Variants in SLC24A4 observed in about 807,000 individuals in gnomAD.
SLC24A4 encodes the protein solute carrier family 24 member 4.
In SLC24A4, 53 loss-of-function variants were observed where a neutral mutation model predicts 79.0. The observed-to-expected ratio is 0.67, with a 90% CI of 0.54 to 0.84. The LOEUF (loss-of-function observed/expected upper bound fraction) is 0.84. Ranked by LOEUF, SLC24A4 falls within the 40% of genes least tolerant of loss-of-function variation. SLC24A4 has a pLI of 0.00. For synonymous variants in SLC24A4, 323 were observed against 323.8 expected (o/e 1.00, Z 0.03); for missense variants, 731 against 822.0 (o/e 0.89, Z 1.35).
chr14:92,473,547 G>A (rs1040791407), intron 12 of SLC24A4, among the ~76,000 whole-genome samples: 5 of 152,200 alleles, frequency 3.3e-5, no homozygotes, highest in Non-Finnish European at 7.3e-5. Flanking sequence ...GTGGTTACAA[G>A]TATCAAAACT....
At chr14:92,413,920 A>G (rs1890852503) in intron 2 of SLC24A4, among the ~76,000 whole-genome samples, 1 of 152,204 alleles carries the variant, frequency 6.6e-6, no homozygotes, top group African/African-American at 2.4e-5. Flanking sequence ...AGGTAGGGAC[A>G]GAGGAGAAGG....
intron 2 of SLC24A4, among the ~76,000 whole-genome samples, chr14:92,377,403 T>C (rs186608909): frequency 8.5e-5 from 13 of 152,346 alleles, no homozygotes; most frequent in Non-Finnish European, 1.2e-4. Context: ...TGAAATATAC[T>C]ATGCCAAAGA....
intron 2 of SLC24A4, among the ~76,000 whole-genome samples, chr14:92,373,690 G>A (rs1303968089): frequency 6.6e-6 from 1 of 152,182 alleles, no homozygotes; most frequent in Admixed American, 6.5e-5. Context: ...GGGTTTCGAC[G>A]ACCGCACATC....
At position 92,398,420 on chromosome 14, in the gene SLC24A4, C is replaced by T. The variant is rs977218204; in HGVS notation, c.242-35492C>T. Among the ~76,000 whole-genome samples the T allele has an allele frequency of 6.6e-6, 1 of 152,058 alleles. No homozygotes were observed. Among genetic ancestry groups the T allele is most frequent in the African/African-American group, 2.4e-5 (1 of 41,400 alleles). ...TGTTGGAGAAGTGGGCATGGGAGAA[C>T]CGTTTGAGAGGAAGAATGGGTAAGA... On this transcript the variant is annotated intron_variant, in intron 2 of 16. Coordinates refer to ENST00000532405, the MANE Select transcript of SLC24A4 (RefSeq NM_153646.4). This position sits in a 1 kb window ranked among gnomAD's most constrained non-coding sequence, Gnocchi z 4.1.
At chr14:92,471,144 C>A (rs1045122863) in intron 12 of SLC24A4, among the ~76,000 whole-genome samples, 2 of 152,162 alleles carry the variant, frequency 1.3e-5, no homozygotes, top group African/African-American at 4.8e-5. Flanking sequence ...AACAAGAAGT[C>A]CTGAAAGTAG....
At chr14:92,479,562 G>A (rs938167282) in intron 12 of SLC24A4, among the ~76,000 whole-genome samples, 7 of 152,300 alleles carry the variant, frequency 4.6e-5, no homozygotes, top group Admixed American at 6.5e-5. Flanking sequence ...ATCCCACTTG[G>A]TGGTGGTGTA....
chr14:92,423,669 G>A (rs748813862), intron 2 of SLC24A4, among the ~76,000 whole-genome samples: 1 of 152,188 alleles, frequency 6.6e-6, no homozygotes, highest in Non-Finnish European at 1.5e-5. Flanking sequence ...GTTTACTATA[G>A]CAAGGGAGTC....
chr14:92,413,877 G>A (rs182033257), intron 2 of SLC24A4, among the ~76,000 whole-genome samples: 1 of 152,350 alleles, frequency 6.6e-6, no homozygotes, highest in Non-Finnish European at 1.5e-5. Context: ...TGGAAGTGGT[G>A]TATTTGAATC....
intron 2 of SLC24A4, among the ~76,000 whole-genome samples, chr14:92,368,969 C>T (rs1240122004): frequency 1.3e-5 from 2 of 152,136 alleles, no homozygotes; most frequent in Non-Finnish European, 2.9e-5. Flanking sequence ...CAGTACTGGA[C>T]CCATATACAA....
chr14:92,417,321 A>T (rs1407668691), intron 2 of SLC24A4, among the ~76,000 whole-genome samples: 1 of 152,216 alleles, frequency 6.6e-6, no homozygotes, highest in African/African-American at 2.4e-5. Flanking sequence ...TTTTTGATTT[A>T]AAAATTTAAA....
At chr14:92,419,419 G>A (rs571416481) in intron 2 of SLC24A4, among the ~76,000 whole-genome samples, 2 of 152,332 alleles carry the variant, frequency 1.3e-5, no homozygotes, top group South Asian at 2.1e-4. Context: ...TCCCGCAGAT[G>A]TTCTCTCATT....
At chr14:92,336,483 T>C (rs2141607053) in intron 2 of SLC24A4, among the ~76,000 whole-genome samples, 1 of 152,316 alleles carries the variant, frequency 6.6e-6, no homozygotes, top group South Asian at 2.1e-4. Context: ...TGGGAACGCA[T>C]GGCCGCCTGG....
chr14:92,401,958 G>A (rs1042139818), intron 2 of SLC24A4, among the ~76,000 whole-genome samples: 1 of 152,150 alleles, frequency 6.6e-6, no homozygotes, highest in Non-Finnish European at 1.5e-5. Context: ...GTCAGTAAGA[G>A]TAAAAGAAAT....
intron 2 of SLC24A4, among the ~76,000 whole-genome samples, chr14:92,422,661 T>TAA (rs11443072): frequency 7.2e-5 from 11 of 151,978 alleles, no homozygotes; most frequent in Non-Finnish European, 1.5e-4. Context: ...TATATCATGC[T>TAA]AAAAAATGGA....
intron 9 of SLC24A4, among the ~76,000 whole-genome samples, chr14:92,448,850 C>T (rs560212619): frequency 6.6e-6 from 1 of 152,324 alleles, no homozygotes; most frequent in Non-Finnish European, 1.5e-5. Flanking sequence ...AGGAAGTCCA[C>T]CACCAGCTCA....
chr14:92,405,679 A>C (rs1206268395), intron 2 of SLC24A4, among the ~76,000 whole-genome samples: 1 of 152,060 alleles, frequency 6.6e-6, no homozygotes, highest in Non-Finnish European at 1.5e-5. Context: ...GAGAGAGAGA[A>C]GGGGGAGCTT....
At chr14:92,343,634 T>TTCTTTCTTTCTTTCTG (rs1886318844) in intron 2 of SLC24A4, among the ~76,000 whole-genome samples, 3 of 97,524 alleles carry the variant, frequency 3.1e-5, no homozygotes, top group Non-Finnish European at 4.5e-5. Context: ...CTTTCTTTCT[T>TTCTTTCTTTCTTTCTG]TCTTTCTCTC....
At chr14:92,423,096 C>G (rs1422210617) in intron 2 of SLC24A4, among the ~76,000 whole-genome samples, 1 of 152,138 alleles carries the variant, frequency 6.6e-6, no homozygotes, top group Non-Finnish European at 1.5e-5. Flanking sequence ...CAGGTGTGAG[C>G]TGCCGCACCC....
At chr14:92,445,192 T>C in intron 7 of SLC24A4, 125 bp from the exon 8 acceptor site, 1 of 1,030,910 alleles carries the variant, frequency 9.7e-7, no homozygotes, top group Middle Eastern at 2.0e-4. Flanking sequence ...AGCTCAGAAA[T>C]GGACCCATAA....
Sources: allele counts gnomAD v4.1 joint callset (sites outside exome capture counted in the v4.1 genomes callset), GRCh38; gene constraint gnomAD v4.1.1; non-coding constraint Gnocchi (gnomAD v3.1); transcripts MANE v1.5; gene names NCBI Gene and HGNC (gene_info 2026-07-23, HGNC 2026-07-21).